NEGR1: variants seen among roughly 807,000 people sequenced by gnomAD.
The protein encoded by NEGR1 is IgLON family member 4.
Under a neutral mutation model 40.9 loss-of-function variants are expected in NEGR1, and 10 were observed. That is an observed-to-expected ratio of 0.24 (90% CI 0.15 to 0.42). NEGR1 has a LOEUF of 0.42. Ranked by LOEUF, NEGR1 falls within the 10% of genes least tolerant of loss-of-function variation. NEGR1 has a pLI of 1.00. For synonymous variants in NEGR1, 185 were observed against 166.8 expected, an observed-to-expected ratio of 1.11 and a Z score of -0.84; for missense variants, 352 against 438.9, an observed-to-expected ratio of 0.80 and a Z score of 1.77.
At chr1:71,819,438 G>C (rs1658346825) in intron 2 of NEGR1, among the ~76,000 whole-genome samples, 1 of 151,880 alleles carries the variant, frequency 6.6e-6, no homozygotes. Context: ...AGAAGGGTTT[G>C]TATCTGTAAA....
chr1:71,571,249 T>G (rs1648798625), intron 6 of NEGR1, among the ~76,000 whole-genome samples: 1 of 152,224 alleles, frequency 6.6e-6, no homozygotes, highest in South Asian at 2.1e-4. Context: ...AGGAGCCATA[T>G]GTGTTTATTT....
chr1:72,206,618 CA>C (rs200712566), intron 1 of NEGR1, among the ~76,000 whole-genome samples: 2,589 of 151,806 alleles, frequency 0.017, 60 homozygotes, highest in African/African-American at 0.059. Flanking sequence ...AATTAGAGAC[CA>C]AAAAGGCTGG....
chr1:71,943,345 A>G (rs889781885), intron 1 of NEGR1, among the ~76,000 whole-genome samples: 1 of 150,824 alleles, frequency 6.6e-6, no homozygotes, highest in Non-Finnish European at 1.5e-5. Flanking sequence ...ATTTATATAT[A>G]TACATATATA....
In NEGR1 at chr1:72,105,544, G is replaced by GTAAATAAATAAA. The variant is rs57077521; in HGVS notation, c.177-170245_177-170234dup. 6.2e-4 allele frequency among the ~76,000 whole-genome samples: 94 copies of GTAAATAAATAAA among 151,142 alleles called. 1 individual carries two copies. The highest frequency in any genetic ancestry group is 2.0e-3 in the African/African-American group (82 of 41,016). On this transcript the variant is annotated intron_variant, in intron 1 of 6. Coordinates refer to ENST00000357731, the MANE Select transcript of NEGR1 (RefSeq NM_173808.3). ...CAAAGCGATACCTCATCTCTCCACA[G>GTAAATAAATAAA]TAAATAAATAAATAAATAAATAAAT...
intron 6 of NEGR1, among the ~76,000 whole-genome samples, chr1:71,576,918 AT>A (rs969378839): frequency 1.2e-4 from 18 of 152,368 alleles, no homozygotes; most frequent in Admixed American, 6.5e-4. Context: ...TGGAACAAAA[AT>A]CATAGAAGGG....
chr1:71,700,914 A>G (rs1423051440), intron 3 of NEGR1, among the ~76,000 whole-genome samples: 1 of 152,030 alleles, frequency 6.6e-6, no homozygotes. Context: ...AAGAGATGAA[A>G]AATGATAAAG....
At chr1:72,078,662 G>C (rs1647856933) in intron 1 of NEGR1, among the ~76,000 whole-genome samples, 1 of 143,882 alleles carries the variant, frequency 7.0e-6, no homozygotes, top group African/African-American at 2.6e-5. Flanking sequence ...TTTTTGAGAT[G>C]GAGTTTCATT....
chr1:71,492,154 A>G (rs1262338724), intron 6 of NEGR1, among the ~76,000 whole-genome samples: 1 of 152,096 alleles, frequency 6.6e-6, no homozygotes, highest in Non-Finnish European at 1.5e-5. Flanking sequence ...TAAATCACCT[A>G]GTTTATATCA....
chr1:72,271,778 G>C lies in NEGR1; in HGVS notation c.176+10541C>G, dbSNP rs138231284. Among the ~76,000 whole-genome samples, 37 of 151,920 alleles carry C rather than the reference G, an allele frequency of 2.4e-4. 1 individual carries two copies. In the East Asian group the frequency reaches 6.4e-3, roughly 26 times the overall value. On this transcript the variant is annotated intron_variant, in intron 1 of 6. Coordinates refer to ENST00000357731, the MANE Select transcript of NEGR1 (RefSeq NM_173808.3). Reference sequence around the variant, plus strand: ...CAGAATTCCCACGTGTTGTGGGAGGGACCTAGGGGAAGTAACTGAATCATG... The same window carrying C: ...CAGAATTCCCACGTGTTGTGGGAGGCACCTAGGGGAAGTAACTGAATCATG...
intron 1 of NEGR1, among the ~76,000 whole-genome samples, chr1:72,126,822 A>C (rs570617337): frequency 6.6e-6 from 1 of 152,282 alleles, no homozygotes; most frequent in African/African-American, 2.4e-5. Context: ...ATGATCCCAA[A>C]AGGCCCAGAG....
chr1:71,514,421 C>T (rs1284225157), intron 6 of NEGR1, among the ~76,000 whole-genome samples: 8 of 101,064 alleles, frequency 7.9e-5, no homozygotes, highest in South Asian at 8.4e-4. Flanking sequence ...TGACCCCTGA[C>T]CCCCGGGCAG....
chr1:71,639,317 C>T (rs1300469716), intron 4 of NEGR1, among the ~76,000 whole-genome samples: 1 of 151,648 alleles, frequency 6.6e-6, no homozygotes, highest in Non-Finnish European at 1.5e-5. Flanking sequence ...AACTGAAAAA[C>T]AGAATTGCAA....
intron 1 of NEGR1, among the ~76,000 whole-genome samples, chr1:72,281,286 G>A (rs1656236198): frequency 6.6e-6 from 1 of 152,184 alleles, no homozygotes; most frequent in South Asian, 2.1e-4. Context: ...CAGGCAGTGT[G>A]TACACATGTG....
At chr1:72,097,940 G>T (rs147779120) in intron 1 of NEGR1, among the ~76,000 whole-genome samples, 21 of 152,150 alleles carry the variant, frequency 1.4e-4, no homozygotes, top group Non-Finnish European at 3.1e-4. Flanking sequence ...CTTTCTGTGT[G>T]CCCTTTGCAT....
At chr1:72,079,086 A>AATATATATAT (rs67575298) in intron 1 of NEGR1, among the ~76,000 whole-genome samples, 1,657 of 142,296 alleles carry the variant, frequency 0.012, 13 homozygotes, top group African/African-American at 0.019. Flanking sequence ...CATTTAACAG[A>AATATATATAT]ATATATATAT....
At chr1:71,483,585 CAT>C (rs144756568) in intron 6 of NEGR1, among the ~76,000 whole-genome samples, 6,082 of 151,744 alleles carry the variant, frequency 0.04, 358 homozygotes, top group African/African-American at 0.14. Context: ...ACTTTTAAGT[CAT>C]ATGTGGCTCA....
intron 2 of NEGR1, among the ~76,000 whole-genome samples, chr1:71,782,149 C>T (rs533881780): frequency 3.3e-5 from 5 of 152,056 alleles, no homozygotes; most frequent in African/African-American, 1.2e-4. Flanking sequence ...GGAGGTGGGG[C>T]CTTGGAAAGG....
At chr1:72,055,160 T>C (rs1457776047) in intron 1 of NEGR1, among the ~76,000 whole-genome samples, 3 of 151,226 alleles carry the variant, frequency 2.0e-5, no homozygotes, top group African/African-American at 7.3e-5. Flanking sequence ...AAATACTATA[T>C]ATTTTTATCT....
At chr1:71,504,545 T>C (rs1647020043) in intron 6 of NEGR1, among the ~76,000 whole-genome samples, 1 of 151,816 alleles carries the variant, frequency 6.6e-6, no homozygotes, top group Non-Finnish European at 1.5e-5. Flanking sequence ...AAAAAGGCAA[T>C]CCCCCTCACA....
Sources: gnomAD v4.1 joint callset for allele counts (sites outside exome capture counted in the v4.1 genomes callset) on GRCh38, gnomAD v4.1.1 for gene constraint, MANE v1.5 for transcripts, NCBI Gene and HGNC (gene_info 2026-07-23, HGNC 2026-07-21) for gene names.